The following ZMYM1 variants were observed in gnomAD, a reference collection of about 807,000 sequenced individuals.
The protein encoded by ZMYM1 is zinc finger MYM-type containing 1.
A neutral mutation model predicts 60.0 loss-of-function variants in ZMYM1; 39 were observed. The ratio of observed to expected loss-of-function variants is 0.65; its 90% CI spans 0.50 to 0.85. ZMYM1 has a LOEUF of 0.85. ZMYM1 is among the 40% of genes least tolerant of loss of function. The probability of loss-of-function intolerance (pLI) is 0.00; values close to 1 mark genes in which losing one functional copy is unlikely to be tolerated. For missense variants in ZMYM1, 1,171 were observed against 1,309.5 expected (o/e 0.89, Z 1.63); for synonymous variants, 413 against 454.0 (o/e 0.91, Z 1.15).
At chr1:35,077,687 A>G (rs1397242605), upstream of ZMYM1, among the ~76,000 whole-genome samples, 2 of 152,068 alleles carry the variant, frequency 1.3e-5, no homozygotes, top group African/African-American at 4.8e-5. Flanking sequence ...GACAGCTTCA[A>G]CTTCCCATTA....
At chr1:35,086,073 T>C (rs899191443) in intron 1 of ZMYM1, among the ~76,000 whole-genome samples, 1 of 152,236 alleles carries the variant, frequency 6.6e-6, no homozygotes, top group Non-Finnish European at 1.5e-5. Flanking sequence ...TTTTATGTAT[T>C]ACGTTTAAAC....
chr1:35,106,165 T>C (rs910769745), intron 6 of ZMYM1, among the ~76,000 whole-genome samples: 1 of 152,196 alleles, frequency 6.6e-6, no homozygotes, highest in Non-Finnish European at 1.5e-5. Context: ...AGATTAGTAT[T>C]ATTTGTCCCT....
At chr1:35,098,751 A>T (rs1399152143) in intron 4 of ZMYM1, among the ~76,000 whole-genome samples, 1 of 152,170 alleles carries the variant, frequency 6.6e-6, no homozygotes, top group African/African-American at 2.4e-5. Flanking sequence ...ACTAAAATAC[A>T]AAAAAATTAG....
At chr1:35,064,740 G>A (rs573043705) in intron 1 of ZMYM1, among the ~76,000 whole-genome samples, 1 of 140,864 alleles carries the variant, frequency 7.1e-6, no homozygotes, top group African/African-American at 2.7e-5. Flanking sequence ...AGGCTGGAGT[G>A]CAGTGGCGTG....
Position 35,113,427 on chromosome 1 carries a change from G to A in ZMYM1, c.1597G>A (p.Asp533Asn). 6.2e-7 allele frequency: 1 copy of A among 1,613,758 alleles called. No homozygotes were observed. The highest frequency in any genetic ancestry group is 8.5e-7 in the Non-Finnish European group (1 of 1,179,912). Residue 533 changes from aspartate to asparagine, a missense_variant, in exon 10 of 10, where the codon GAT (aspartate) becomes AAT (asparagine). Coordinates refer to ENST00000359858, the MANE Select transcript of ZMYM1 (RefSeq NM_024772.5). ...LEFWREYQFC[D>N]GAVSDDLSIH... ...ATTTTGGAGAGAATACCAATTTTGT[G>A]ATGGAGCTGTCAGTGACGATTTATC...
chr1:35,107,274 C>G, intron 6 of ZMYM1, among the ~76,000 whole-genome samples: 1 of 144,034 alleles, frequency 6.9e-6, no homozygotes, highest in East Asian at 2.1e-4. Context: ...TCCTGGCTAA[C>G]ATGGTGAAAC....
At chr1:35,083,739 C>T (rs1642511197) in intron 1 of ZMYM1, among the ~76,000 whole-genome samples, 1 of 152,046 alleles carries the variant, frequency 6.6e-6, no homozygotes, top group African/African-American at 2.4e-5. Flanking sequence ...CCAGCCTCAG[C>T]CTCCCACATA....
At chr1:35,064,898 A>G (rs906522207) in intron 1 of ZMYM1, among the ~76,000 whole-genome samples, 4 of 151,908 alleles carry the variant, frequency 2.6e-5, no homozygotes, top group African/African-American at 9.7e-5. Flanking sequence ...CGTGGTCTCT[A>G]TCTCCTGACC....
chr1:35,089,638 C>CT (rs1281023925), intron 1 of ZMYM1, among the ~76,000 whole-genome samples: 1 of 134,102 alleles, frequency 7.5e-6, no homozygotes, highest in Non-Finnish European at 1.6e-5. Context: ...TTATTTTTTT[C>CT]TTTTTTTGAG....
intron 1 of ZMYM1, among the ~76,000 whole-genome samples, chr1:35,092,067 AG>A (rs1557659114): frequency 6.6e-6 from 1 of 151,888 alleles, no homozygotes; most frequent in Non-Finnish European, 1.5e-5. Flanking sequence ...CTGGGATTAC[AG>A]GCACCTGCCA....
chr1:35,115,465 G>A lies in ZMYM1; in HGVS notation c.*206G>A, dbSNP rs940938839. ...TTTTTCCTAAGTGGTATTGTACGGT[G>A]TATACTGTTCTTCAGCTTGTCTTCT... On this transcript the variant is annotated 3_prime_UTR_variant, in exon 10 of 10. Transcript: ENST00000359858. 1 of 415,346 alleles carries A rather than the reference G, an allele frequency of 2.4e-6. No individual in the cohort carries two copies. The highest frequency in any genetic ancestry group is 4.8e-5 in the South Asian group (1 of 20,872). The allele number at this position is 415,346 out of a possible 1,614,324, so 25.7% of individuals were successfully genotyped here.
chr1:35,097,772 G>A, intron 4 of ZMYM1: 1 of 567,644 alleles, frequency 1.8e-6, no homozygotes, highest in Non-Finnish European at 3.1e-6. Context: ...AGCCTCCCAA[G>A]TAGCTGGGAT....
intron 3 of ZMYM1, 60 bp downstream of exon 3, chr1:35,095,951 C>A: frequency 1.6e-6 from 2 of 1,222,362 alleles, no homozygotes; most frequent in South Asian, 1.3e-5. Flanking sequence ...CTGATTCATT[C>A]TTTTTTAATG....
In ZMYM1 at chr1:35,114,679, C is replaced by A; in HGVS notation, c.2849C>A (p.Ser950Ter). 6.3e-7 allele frequency: 1 copy of A among 1,588,772 alleles called. No individual in the cohort carries two copies. Among genetic ancestry groups the A allele is most frequent in the South Asian group, 1.2e-5 (1 of 85,702 alleles). The change falls in exon 10 of 10, where the codon TCA becomes TAA. Residue 950 changes from serine to a stop codon, truncating the protein, a stop_gained. Coordinates refer to ENST00000359858, the MANE Select transcript of ZMYM1 (RefSeq NM_024772.5). LOFTEE classifies it low-confidence loss of function (END_TRUNC). ...KIQKSVDLGN[S>*]DNMFFPTSTE... ...CAGAAATCAGTAGATCTTGGCAATT[C>A]AGATAATATGTTTTTTCCTACTTCA...
chr1:35,080,870 G>A (rs937127791), intron 1 of ZMYM1, among the ~76,000 whole-genome samples: 2 of 152,040 alleles, frequency 1.3e-5, no homozygotes, highest in Non-Finnish European at 2.9e-5. Context: ...AGTTTGGTTT[G>A]AAAAACATAT....
Position 35,113,179 on chromosome 1 carries a change from A to G in ZMYM1, c.1349A>G (p.Lys450Arg), listed in dbSNP as rs139372837. 13 of 1,613,646 alleles carry G rather than the reference A, an allele frequency of 8.1e-6. 1 individual carries two copies. In the East Asian group the frequency reaches 2.9e-4, roughly 36 times the overall value. ...TGTACATCCAAAGTACAAAAAGTTAAAGGTAAATCACGAAGTATTAAAAAA... is the reference window on the plus strand; with the variant it reads ...TGTACATCCAAAGTACAAAAAGTTAGAGGTAAATCACGAAGTATTAAAAAA... ...PKCTSKVQKV[K>R]GKSRSIKKSC... The change falls in exon 10 of 10, where the codon AAA (lysine) becomes AGA (arginine). Residue 450 changes from lysine (K) to arginine (R), a missense_variant. Coordinates refer to ENST00000359858, the MANE Select transcript of ZMYM1 (RefSeq NM_024772.5).
intron 1 of ZMYM1, among the ~76,000 whole-genome samples, chr1:35,085,975 C>T (rs1262143633): frequency 6.6e-6 from 1 of 152,150 alleles, no homozygotes; most frequent in Non-Finnish European, 1.5e-5. Context: ...ACAAATACAC[C>T]TTTGTAATGA....
chr1:35,079,502 G>A (rs1378328826), intron 1 of ZMYM1, 60 bp downstream of exon 1: 1 of 152,284 alleles, frequency 6.6e-6, no homozygotes, highest in African/African-American at 2.4e-5. Context: ...CTCGAAAGGG[G>A]CAGGGTTTCT....
At chr1:35,061,167 A>C (rs1317767390) in intron 1 of ZMYM1, among the ~76,000 whole-genome samples, 1 of 152,236 alleles carries the variant, frequency 6.6e-6, no homozygotes, top group Non-Finnish European at 1.5e-5. Flanking sequence ...CTTAGACTAC[A>C]GAAGGCTCTG....
Sources: gnomAD v4.1 joint callset for allele counts (sites outside exome capture counted in the v4.1 genomes callset) on GRCh38, gnomAD v4.1.1 for gene constraint, MANE v1.5 for transcripts, NCBI Gene and HGNC (gene_info 2026-07-23, HGNC 2026-07-21) for gene names.